PIBF1: variants seen among roughly 807,000 people sequenced by gnomAD.
The protein encoded by PIBF1 is progesterone immunomodulatory binding factor 1.
PIBF1 carries 90 observed loss-of-function variants against 112.5 expected under a neutral mutation model. The observed-to-expected ratio is 0.80, with a 90% CI of 0.67 to 0.95. PIBF1 has a LOEUF of 0.95. PIBF1 is among the 40% of genes least tolerant of loss of function. The pLI is 0.00. For synonymous variants in PIBF1, 301 were observed against 288.6 expected, an observed-to-expected ratio of 1.04 and a Z score of -0.44; for missense variants, 915 against 852.3, an observed-to-expected ratio of 1.07 and a Z score of -0.92.
intron 8 of PIBF1, among the ~76,000 whole-genome samples, chr13:72,832,332 G>A (rs189608056): frequency 2.0e-5 from 3 of 152,030 alleles, no homozygotes; most frequent in Admixed American, 6.5e-5. Context: ...TGTATTGCCC[G>A]TTAGTTGATG....
At chr13:72,831,268 G>C (rs2037099264) in intron 8 of PIBF1, among the ~76,000 whole-genome samples, 1 of 151,666 alleles carries the variant, frequency 6.6e-6, no homozygotes, top group Non-Finnish European at 1.5e-5. Context: ...GTCTCCTTCA[G>C]TTCTGCTCTG....
At chr13:72,874,988 T>A (rs1445903973) in intron 10 of PIBF1, among the ~76,000 whole-genome samples, 1 of 152,206 alleles carries the variant, frequency 6.6e-6, no homozygotes, top group Non-Finnish European at 1.5e-5. Flanking sequence ...TACTTTTTAA[T>A]ACTTTCATTT....
rs780834804 is a variant in PIBF1 at position 72,973,687 on chromosome 13, A to C, written c.2049+12A>C. The C allele has an allele frequency of 7.0e-6, 10 of 1,430,944 alleles. No individual in the cohort carries two copies. The highest frequency in any genetic ancestry group is 7.8e-6 in the Non-Finnish European group (8 of 1,027,294). 88.6% of individuals were successfully genotyped at this position (1,430,944 alleles called of 1,614,324 possible). Reference sequence around the variant, plus strand: ...TAAATCATCGTGAGGTATTTTTCCTATTTTGTCATAATTGTAATCATTTTA... The same window carrying C: ...TAAATCATCGTGAGGTATTTTTCCTCTTTTGTCATAATTGTAATCATTTTA... On this transcript the variant is annotated intron_variant, in intron 16 of 17. Transcript: ENST00000326291.
At chr13:72,806,985 C>CT (rs554488822) in intron 5 of PIBF1, among the ~76,000 whole-genome samples, 3,595 of 143,008 alleles carry the variant, frequency 0.025, 63 homozygotes, top group African/African-American at 0.044. Context: ...CTAATTTACG[C>CT]TTTTTTTTTT....
chr13:72,994,823 C>CCAATGTTATG (rs2043596661), intron 16 of PIBF1, among the ~76,000 whole-genome samples: 1 of 152,134 alleles, frequency 6.6e-6, no homozygotes, highest in East Asian at 1.9e-4. Context: ...AAAATGTTTT[C>CCAATGTTATG]TAATTATTGC....
At chr13:72,792,320 C>T in intron 2 of PIBF1, 127 bp from the exon 3 acceptor site, 1 of 621,632 alleles carries the variant, frequency 1.6e-6, no homozygotes, top group Non-Finnish European at 2.8e-6. Flanking sequence ...GGCGTGAGCC[C>T]CTGTGCCTGG....
chr13:72,813,079 A>G (rs1467355414), intron 5 of PIBF1, among the ~76,000 whole-genome samples: 2 of 152,214 alleles, frequency 1.3e-5, no homozygotes, highest in Non-Finnish European at 2.9e-5. Context: ...CACAGTTCAA[A>G]TAGAGAAAAA....
chr13:72,854,646 G>A (rs1478248224), intron 10 of PIBF1, among the ~76,000 whole-genome samples: 2 of 152,102 alleles, frequency 1.3e-5, no homozygotes, highest in Non-Finnish European at 2.9e-5. Context: ...TTTCCAGTTT[G>A]TTACTATCGT....
intron 10 of PIBF1, among the ~76,000 whole-genome samples, chr13:72,855,952 A>G (rs1426804034): frequency 6.6e-6 from 1 of 152,208 alleles, no homozygotes; most frequent in East Asian, 1.9e-4. Context: ...GTAAATCAGA[A>G]CTTACATTCA....
chr13:72,931,024 A>T lies in PIBF1; in HGVS notation c.1731-141A>T, dbSNP rs567355901. 120 of 612,902 alleles carry T rather than the reference A, an allele frequency of 2.0e-4. 1 individual carries two copies. In the South Asian group the frequency reaches 2.4e-3, roughly 12 times the overall value. The allele number at this position is 612,902 out of a possible 1,614,324, so 38.0% of individuals were successfully genotyped here. On this transcript the variant is annotated intron_variant, in intron 13 of 17. Coordinates refer to ENST00000326291, the MANE Select transcript of PIBF1 (RefSeq NM_006346.4). ...TCTTCCACTACTGGTGCCTGAAAATATTATTTGACTCTATATTTTTTCTGT... is the reference window on the plus strand; with the variant it reads ...TCTTCCACTACTGGTGCCTGAAAATTTTATTTGACTCTATATTTTTTCTGT...
rs764839574 is a variant in PIBF1 at position 72,835,231 on chromosome 13, C to T, written c.1098-12C>T. The T allele has an allele frequency of 4.6e-6, 7 of 1,523,232 alleles. No homozygotes were observed. In the East Asian group the frequency reaches 1.7e-4, roughly 37 times the overall value. The allele number at this position is 1,523,232 out of a possible 1,614,324, so 94.4% of individuals were successfully genotyped here. A position where few individuals can be genotyped will look rare whatever the true frequency, so the allele number is the denominator to read the frequency against. ...AAGAAAATTTATGGTTGTTCCTTTT[C>T]ACTCCTTGCAGAGACCATTATAAAA... On this transcript the variant is annotated splice_polypyrimidine_tract_variant and intron_variant, in intron 8 of 17. Coordinates refer to ENST00000326291, the MANE Select transcript of PIBF1 (RefSeq NM_006346.4).
At chr13:72,920,422 G>C (rs2041247526) in intron 13 of PIBF1, among the ~76,000 whole-genome samples, 1 of 152,182 alleles carries the variant, frequency 6.6e-6, no homozygotes, top group South Asian at 2.1e-4. Context: ...CTTTTATTGA[G>C]TGCTTACTGT....
At chr13:72,888,032 C>T (rs1358416318) in intron 10 of PIBF1, among the ~76,000 whole-genome samples, 1 of 152,058 alleles carries the variant, frequency 6.6e-6, no homozygotes, top group Non-Finnish European at 1.5e-5. Context: ...AATAACTTTT[C>T]ATTTTAACAG....
At chr13:72,936,578 G>C (rs1310225966) in intron 14 of PIBF1, among the ~76,000 whole-genome samples, 3 of 152,188 alleles carry the variant, frequency 2.0e-5, no homozygotes, top group Non-Finnish European at 4.4e-5. Flanking sequence ...AAACACAACT[G>C]TTGTAGCATC....
intron 14 of PIBF1, among the ~76,000 whole-genome samples, chr13:72,963,570 G>T (rs2042662162): frequency 6.6e-6 from 1 of 152,040 alleles, no homozygotes; most frequent in South Asian, 2.1e-4. Flanking sequence ...CTCCAGCCTG[G>T]GTGACAGAGC....
At chr13:73,001,343 C>G (rs1384473100) in intron 17 of PIBF1, among the ~76,000 whole-genome samples, 1 of 152,098 alleles carries the variant, frequency 6.6e-6, no homozygotes, top group East Asian at 1.9e-4. Context: ...AAGAGCTAAT[C>G]ATTTTATAAT....
intron 5 of PIBF1, 41 bp from the exon 6 acceptor site, chr13:72,821,801 ATGTTAAG>A (rs768873130): frequency 6.8e-7 from 1 of 1,477,808 alleles, no homozygotes; most frequent in South Asian, 1.3e-5. Flanking sequence ...TTGGGCAACT[ATGTTAAG>A]TGTTTAGTCT....
intron 6 of PIBF1, among the ~76,000 whole-genome samples, chr13:72,824,828 CA>C (rs2036727607): frequency 6.6e-6 from 1 of 152,154 alleles, no homozygotes; most frequent in South Asian, 2.1e-4. Flanking sequence ...TTACTATCAC[CA>C]ATAATGGGAT....
At chr13:72,889,045 C>CAA (rs563914633) in intron 10 of PIBF1, among the ~76,000 whole-genome samples, 8 of 140,978 alleles carry the variant, frequency 5.7e-5, no homozygotes, top group South Asian at 2.3e-4. Context: ...ACAAAAAATA[C>CAA]AAAAAAAAAA....
Sources: allele counts gnomAD v4.1 joint callset (sites outside exome capture counted in the v4.1 genomes callset), GRCh38; gene constraint gnomAD v4.1.1; transcripts MANE v1.5; gene names NCBI Gene and HGNC (gene_info 2026-07-23, HGNC 2026-07-21).